The following B4GALNT2 variants were observed in gnomAD, a reference collection of about 807,000 sequenced individuals.
The protein encoded by B4GALNT2 is N-acetylneuraminylgalactosylglucosyl-glucoside beta-1,4-N- acetylgalactosaminyltransferase 2.
In B4GALNT2, 42 loss-of-function variants were observed where a neutral mutation model predicts 51.1. That is an observed-to-expected ratio of 0.82 (90% CI 0.64 to 1.06). The LOEUF (loss-of-function observed/expected upper bound fraction) is 1.06, where lower values mean the gene tolerates loss of function less well. Ranked by LOEUF, B4GALNT2 falls within the 50% of genes least tolerant of loss-of-function variation. The pLI, the probability that B4GALNT2 is intolerant of heterozygous loss-of-function variation, is 0.00. For missense variants in B4GALNT2, 602 were observed against 633.6 expected (o/e 0.95, Z 0.54); for synonymous variants, 253 against 251.7 (o/e 1.01, Z -0.05).
chr17:49,123,858 T>G, the B4GALNT2 span, among the ~76,000 whole-genome samples: 1 of 152,196 alleles, frequency 6.6e-6, no homozygotes, highest in East Asian at 1.9e-4. Flanking sequence ...GCTTCATAAG[T>G]CAGGTTTGAT....
rs572128158 is a variant in B4GALNT2, at chr17:49,156,741, G to C, written c.498+138G>C. On this transcript the variant is annotated intron_variant, in intron 5 of 10. Coordinates refer to ENST00000393354, the MANE Select transcript of B4GALNT2 (RefSeq NM_001159387.2). ...AGCCCAAGGAGGGAGGGGATGGAAG[G>C]GTGTGTAGAAAACTTAACTTCTAGC... 6.7e-5 allele frequency: 67 copies of C among 994,336 alleles called. No homozygotes were observed. In the East Asian group the frequency reaches 7.5e-4, roughly 11 times the overall value. 61.6% of individuals were successfully genotyped at this position (994,336 alleles called of 1,614,324 possible). A position where few individuals can be genotyped will look rare whatever the true frequency, so the allele number is the denominator to read the frequency against.
intron 3 of B4GALNT2, among the ~76,000 whole-genome samples, chr17:49,143,732 AGCACGGT>A (rs1314247439): frequency 6.6e-6 from 1 of 152,268 alleles, no homozygotes; most frequent in African/African-American, 2.4e-5. Context: ...GAAGTCTAAC[AGCACGGT>A]GCTGGCATCT....
rs1007823106 is a variant in B4GALNT2, at chr17:49,169,988, A to G, written c.*260A>G. ...GCCCTGCCTTTTTTGAAGCATTTGCATGGGCAGTATCTCACATCATCTCAT... is the reference window on the plus strand; with the variant it reads ...GCCCTGCCTTTTTTGAAGCATTTGCGTGGGCAGTATCTCACATCATCTCAT... On this transcript the variant is annotated 3_prime_UTR_variant, in exon 11 of 11. Coordinates refer to ENST00000393354, the MANE Select transcript of B4GALNT2 (RefSeq NM_001159387.2). The G allele has an allele frequency of 2.1e-4, 77 of 361,504 alleles. 1 individual carries two copies. The highest frequency in any genetic ancestry group is 3.0e-4 in the Non-Finnish European group (61 of 200,924). 22.4% of individuals were successfully genotyped at this position (361,504 alleles called of 1,614,324 possible). A position where few individuals can be genotyped will look rare whatever the true frequency, so the allele number is the denominator to read the frequency against.
Position 49,169,550 on chromosome 17 carries a change from T to C in B4GALNT2, c.1343T>C (p.Leu448Pro). 1 of 1,612,342 alleles carries C rather than the reference T, an allele frequency of 6.2e-7. No individual in the cohort carries two copies. Among genetic ancestry groups the C allele is most frequent in the Non-Finnish European group, 8.5e-7 (1 of 1,180,000 alleles). Reference sequence around the variant, plus strand: ...TTCTTCATTGATGGGCTAGGGACCCTACTCGTGGGGTCATGCCCAGAAGTG... The same window carrying C: ...TTCTTCATTGATGGGCTAGGGACCCCACTCGTGGGGTCATGCCCAGAAGTG... ...SEFFIDGLGT[L>P]LVGSCPEVII... The change falls in exon 11 of 11, where the codon CTA becomes CCA. Residue 448 changes from leucine to proline, a missense_variant. By Grantham distance (98) the Leu-to-Pro change is moderately conservative. Transcript: ENST00000393354.
rs1323092972 is a variant in B4GALNT2, at chr17:49,159,199, C to T, written c.661C>T (p.His221Tyr). ...GACATACACCAGCACGGGGTACCAG[C>T]ACCAGAAGGTAGACATAGGTGAGAG... ...HVTYTSTGYQ[H>Y]QKVDIVSLES... is the part of the protein sequence containing the mutation. Residue 221 changes from histidine to tyrosine, a missense_variant, in exon 6 of 11, where the codon CAC (histidine) becomes TAC (tyrosine). His to Tyr is a moderately conservative substitution (Grantham distance 83). Transcript: ENST00000393354. 1.2e-5 allele frequency: 20 copies of T among 1,614,142 alleles called. No individual in the cohort carries two copies. Among genetic ancestry groups the T allele is most frequent in the Non-Finnish European group, 1.7e-5 (20 of 1,180,014 alleles).
At chr17:49,147,017 A>G (rs1201162472) in intron 3 of B4GALNT2, among the ~76,000 whole-genome samples, 1 of 152,226 alleles carries the variant, frequency 6.6e-6, no homozygotes, top group Non-Finnish European at 1.5e-5. Flanking sequence ...TTCTTAATTT[A>G]CATTCTTCGT....
chr17:49,145,463 A>G (rs752739004), intron 3 of B4GALNT2, among the ~76,000 whole-genome samples: 1 of 152,250 alleles, frequency 6.6e-6, no homozygotes, highest in Non-Finnish European at 1.5e-5. Flanking sequence ...TTAACAAAAG[A>G]AAGAGGAAAT....
chr17:49,132,784 G>A lies in B4GALNT2; in HGVS notation c.-9G>A. The A allele has an allele frequency of 7.2e-7, 1 of 1,382,116 alleles. No individual in the cohort carries two copies. The highest frequency in any genetic ancestry group is 9.4e-7 in the Non-Finnish European group (1 of 1,066,264). The allele number at this position is 1,382,116 out of a possible 1,614,324, so 85.6% of individuals were successfully genotyped here. A position where few individuals can be genotyped will look rare whatever the true frequency, so the allele number is the denominator to read the frequency against. Reference sequence around the variant, plus strand: ...GACATCCGGCAGTCTGAGGGCGGCGGGATTCGGGATGACTTCGGGCGGGTG... The same window carrying A: ...GACATCCGGCAGTCTGAGGGCGGCGAGATTCGGGATGACTTCGGGCGGGTG... On this transcript the variant is annotated 5_prime_UTR_variant, in exon 1 of 11. Coordinates refer to ENST00000393354, the MANE Select transcript of B4GALNT2 (RefSeq NM_001159387.2).
At chr17:49,120,768 C>T in the B4GALNT2 span, among the ~76,000 whole-genome samples, 1 of 152,020 alleles carries the variant, frequency 6.6e-6, no homozygotes, top group Admixed American at 6.6e-5. Flanking sequence ...CCTCGGCTTC[C>T]CAAAGTGCTG....
intron 1 of B4GALNT2, among the ~76,000 whole-genome samples, chr17:49,133,962 A>G (rs1289130654): frequency 1.3e-5 from 2 of 152,106 alleles, no homozygotes; most frequent in African/African-American, 4.8e-5. Flanking sequence ...AAAAGCAGCA[A>G]CACACGTTGA....
At chr17:49,124,283 A>C in the B4GALNT2 span, among the ~76,000 whole-genome samples, 1 of 152,154 alleles carries the variant, frequency 6.6e-6, no homozygotes, top group African/African-American at 2.4e-5. Flanking sequence ...TTTTTCCTCT[A>C]TTCTGATGTC....
At chr17:49,160,028 T>A (rs1392510278) in intron 6 of B4GALNT2, among the ~76,000 whole-genome samples, 1 of 151,992 alleles carries the variant, frequency 6.6e-6, no homozygotes, top group African/African-American at 2.4e-5. Flanking sequence ...AGTTTCCTTC[T>A]GGATGAGTTA....
rs1042094824 is a variant in B4GALNT2, at chr17:49,172,937, G to A, written c.*3209G>A. ...CAATCCTTGAGGATTAACTCCTCCT[G>A]TAAAAGATGAGGAATGCACCATTTG... On this transcript the variant is annotated 3_prime_UTR_variant, in exon 11 of 11. Coordinates refer to ENST00000393354, the MANE Select transcript of B4GALNT2 (RefSeq NM_001159387.2). 5 of 152,248 alleles carry A rather than the reference G, an allele frequency of 3.3e-5. No individual in the cohort carries two copies. The highest frequency in any genetic ancestry group is 7.2e-5 in the African/African-American group (3 of 41,456). The allele number at this position is 152,248 out of a possible 1,614,324, so 9.4% of individuals were successfully genotyped here.
At position 49,175,309 on chromosome 17, in the gene B4GALNT2, G is replaced by A. The variant is rs755135179; in HGVS notation, c.*5581G>A. The A allele has an allele frequency of 1.1e-4, 16 of 152,016 alleles. No individual in the cohort carries two copies. Among genetic ancestry groups the A allele is most frequent in the African/African-American group, 3.1e-4 (13 of 41,376 alleles). The allele number at this position is 152,016 out of a possible 1,614,324, so 9.4% of individuals were successfully genotyped here. ...TTTGTGCTTCCAAATTCTCCTATTC[G>A]TTTAATTTCACTTTTCCCCATTTCC... On this transcript the variant is annotated 3_prime_UTR_variant, in exon 11 of 11. Transcript: ENST00000393354.
intron 1 of B4GALNT2, among the ~76,000 whole-genome samples, chr17:49,138,432 T>G (rs2042609643): frequency 6.6e-6 from 1 of 152,266 alleles, no homozygotes; most frequent in Admixed American, 6.5e-5. Context: ...GCTTTCATTA[T>G]GTTTTCTGAC....
At chr17:49,122,101 T>A in the B4GALNT2 span, among the ~76,000 whole-genome samples, 1 of 152,262 alleles carries the variant, frequency 6.6e-6, no homozygotes, top group East Asian at 1.9e-4. Flanking sequence ...GAGGAGAGGT[T>A]ATCTCAGGGC....
intron 10 of B4GALNT2, among the ~76,000 whole-genome samples, 171 bp downstream of exon 10, chr17:49,169,071 T>C (rs944711225): frequency 6.6e-6 from 1 of 152,088 alleles, no homozygotes; most frequent in African/African-American, 2.4e-5. Context: ...TGATCTCTCT[T>C]ACCTCCCTCC....
intron 9 of B4GALNT2, among the ~76,000 whole-genome samples, chr17:49,167,150 C>T (rs1387446879): frequency 6.9e-6 from 1 of 143,892 alleles, no homozygotes; most frequent in African/African-American, 2.6e-5. Flanking sequence ...ATCACGATAA[C>T]TTAAGAGAGA....
chr17:49,157,809 G>C lies in B4GALNT2; in HGVS notation c.498+1206G>C, dbSNP rs149395860. ...GCTCTGGACCTGAATTCCCTGCTGC[G>C]CGTAGTTCCATGCTTATCATCTCTC... On this transcript the variant is annotated intron_variant, in intron 5 of 10. Coordinates refer to ENST00000393354, the MANE Select transcript of B4GALNT2 (RefSeq NM_001159387.2). 3.6e-3 allele frequency among the ~76,000 whole-genome samples: 554 copies of C among 152,232 alleles called. 2 individuals carry two copies. Among genetic ancestry groups the C allele is most frequent in the African/African-American group, 0.013 (533 of 41,544 alleles).
Sources: gnomAD v4.1 joint callset for allele counts (sites outside exome capture counted in the v4.1 genomes callset) on GRCh38, gnomAD v4.1.1 for gene constraint, MANE v1.5 for transcripts, NCBI Gene and HGNC (gene_info 2026-07-23, HGNC 2026-07-21) for gene names.